Variants in NELL1 observed in about 807,000 individuals in gnomAD.
The protein encoded by NELL1 is neural EGFL like 1, also known as protein kinase C-binding protein NELL1.
NELL1 carries 76 observed loss-of-function variants against 107.4 expected under a neutral mutation model. The observed-to-expected ratio is 0.71, with a 90% CI of 0.59 to 0.86. NELL1 has a LOEUF of 0.86. NELL1 is among the 40% of genes least tolerant of loss of function. The pLI is 0.00. For synonymous variants in NELL1, 353 were observed against 341.2 expected, an observed-to-expected ratio of 1.03 and a Z score of -0.38; for missense variants, 1,024 against 1,005.5, an observed-to-expected ratio of 1.02 and a Z score of -0.25.
intron 12 of NELL1, among the ~76,000 whole-genome samples, chr11:21,107,167 A>G (rs913623042): frequency 4.6e-5 from 7 of 152,172 alleles, no homozygotes; most frequent in Non-Finnish European, 7.4e-5. Context: ...AAAGTCCGTA[A>G]TATACATTTA....
At chr11:21,180,572 T>C (rs1189673998) in intron 13 of NELL1, among the ~76,000 whole-genome samples, 3 of 151,800 alleles carry the variant, frequency 2.0e-5, no homozygotes, top group African/African-American at 7.3e-5. Context: ...TTTCTATTTA[T>C]TTACAGCTGG....
intron 2 of NELL1, among the ~76,000 whole-genome samples, chr11:20,772,613 T>TTTCATTCATTCATTCA (rs3045564): frequency 0.047 from 7,162 of 150,890 alleles, 194 homozygotes; most frequent in Middle Eastern, 0.13. Flanking sequence ...ATTAGGCACT[T>TTTCATTCATTCATTCA]TTCATTCATT....
chr11:21,269,896 A>T (rs999512728), intron 14 of NELL1, among the ~76,000 whole-genome samples: 1 of 152,140 alleles, frequency 6.6e-6, no homozygotes, highest in Non-Finnish European at 1.5e-5. Context: ...GACAGCAATG[A>T]TACAGTGATG....
chr11:20,672,295 G>C (rs1853933232), intron 1 of NELL1, among the ~76,000 whole-genome samples: 1 of 152,196 alleles, frequency 6.6e-6, no homozygotes, highest in Non-Finnish European at 1.5e-5. Flanking sequence ...AAGTTTCTTT[G>C]TCAAGTGGGA....
rs115191320 is a variant in NELL1, at chr11:21,041,854, A to G, written c.1301-71735A>G. 2.5e-3 allele frequency among the ~76,000 whole-genome samples: 374 copies of G among 152,322 alleles called. 4 individuals carry two copies. Among genetic ancestry groups the G allele is most frequent in the African/African-American group, 8.8e-3 (365 of 41,580 alleles). On this transcript the variant is annotated intron_variant, in intron 12 of 19. Transcript: ENST00000357134. ...TCGAATACAATTCAAATTAATTACA[A>G]TGATTTAACATGACCAAGGATGGTG... is the stretch of plus-strand genomic sequence containing the variant.
At chr11:21,426,141 T>C (rs912273361) in intron 15 of NELL1, among the ~76,000 whole-genome samples, 3 of 152,190 alleles carry the variant, frequency 2.0e-5, no homozygotes, top group Non-Finnish European at 4.4e-5. Flanking sequence ...TCTTCCTTTT[T>C]TAAATGATTC....
chr11:20,774,813 G>T (rs76416520), intron 2 of NELL1, among the ~76,000 whole-genome samples: 1,591 of 152,278 alleles, frequency 0.01, 13 homozygotes, highest in Non-Finnish European at 0.018. Context: ...TGATGTTCTT[G>T]CTTGCACCCA....
At chr11:21,149,923 C>T (rs1168842927) in intron 13 of NELL1, among the ~76,000 whole-genome samples, 1 of 152,042 alleles carries the variant, frequency 6.6e-6, no homozygotes, top group East Asian at 1.9e-4. Flanking sequence ...CAGAGTGAAG[C>T]TGTAAATAAC....
chr11:21,242,142 A>G (rs1590765044), intron 14 of NELL1, among the ~76,000 whole-genome samples: 1 of 152,044 alleles, frequency 6.6e-6, no homozygotes, highest in Middle Eastern at 3.2e-3. Flanking sequence ...TGTTAAAGAT[A>G]AGTAAATGAT....
chr11:20,690,726 A>C (rs1408907166), intron 2 of NELL1, among the ~76,000 whole-genome samples: 4 of 152,066 alleles, frequency 2.6e-5, no homozygotes, highest in Admixed American at 1.3e-4. Flanking sequence ...TGATGCCTCC[A>C]GCTTTGTTCT....
At chr11:21,521,722 T>C (rs1425990102) in intron 15 of NELL1, among the ~76,000 whole-genome samples, 1 of 152,164 alleles carries the variant, frequency 6.6e-6, no homozygotes, top group African/African-American at 2.4e-5. Context: ...TACATTCCCA[T>C]CAACAGTGTA....
intron 18 of NELL1, among the ~76,000 whole-genome samples, chr11:21,571,199 G>C (rs1448795138): frequency 6.6e-6 from 1 of 151,830 alleles, no homozygotes; most frequent in Non-Finnish European, 1.5e-5. Context: ...AAGAAATCAA[G>C]ATCAAGAAAA....
chr11:20,750,025 T>C (rs1856097061), intron 2 of NELL1, among the ~76,000 whole-genome samples: 1 of 152,206 alleles, frequency 6.6e-6, no homozygotes, highest in Admixed American at 6.5e-5. Flanking sequence ...CAACGAGTTC[T>C]CCAAAGTGGT....
At chr11:21,301,302 T>C (rs2133623552) in intron 14 of NELL1, among the ~76,000 whole-genome samples, 1 of 152,266 alleles carries the variant, frequency 6.6e-6, no homozygotes, top group Admixed American at 6.5e-5. Flanking sequence ...TAGTTTTAGA[T>C]CCTTGAGGAA....
In NELL1 at chr11:20,748,872, TCATCCATCCATC is replaced by T. The variant is rs59483612; in HGVS notation, c.185-34789_185-34778del. On this transcript the variant is annotated intron_variant, in intron 2 of 19. Transcript: ENST00000357134. ...CAATTGCGTATTGGAGCATATTCTA[TCATCCATCCATC>T]CATCCATCCATCCATCCACCCAGCC... is the stretch of plus-strand genomic sequence containing the variant. Among the ~76,000 whole-genome samples the T allele has an allele frequency of 1.4e-4, 20 of 145,954 alleles. No individual in the cohort carries two copies. In the South Asian group the frequency reaches 3.5e-3, roughly 26 times the overall value.
Position 21,489,448 on chromosome 11 carries a change from C to T in NELL1, c.1646-44926C>T, listed in dbSNP as rs563325396. Among the ~76,000 whole-genome samples the T allele has an allele frequency of 2.8e-5, 4 of 142,380 alleles. No individual in the cohort carries two copies. In the South Asian group the frequency reaches 9.1e-4, roughly 32 times the overall value. The allele number at this position is 142,380 out of a possible 152,430, so 93.4% of individuals were successfully genotyped here. On this transcript the variant is annotated intron_variant, in intron 15 of 19. Transcript: ENST00000357134. ...ACTCTCCCTAACTTGTTATCTGAGG[C>T]CAACATTACCCTGATATCAAAACCA...
At chr11:20,958,249 C>G (rs1209236132) in intron 11 of NELL1, among the ~76,000 whole-genome samples, 1 of 151,864 alleles carries the variant, frequency 6.6e-6, no homozygotes, top group African/African-American at 2.4e-5. Context: ...GAGACTTCAT[C>G]TCTCCAAAAA....
Position 21,387,643 on chromosome 11 carries a change from C to A in NELL1, c.1645+16695C>A, listed in dbSNP as rs547791842. ...AAAACTTCCTTTACCACTCTTCTCA[C>A]AAAAGCAAGGCTGAATACAACAAAA... On this transcript the variant is annotated intron_variant, in intron 15 of 19. Coordinates refer to ENST00000357134, the MANE Select transcript of NELL1 (RefSeq NM_006157.5). Among the ~76,000 whole-genome samples, 33 of 151,944 alleles carry A rather than the reference C, an allele frequency of 2.2e-4. No homozygotes were observed. The East Asian group carries it at 6.1e-3, about 28-fold the overall frequency.
At chr11:20,883,066 T>C (rs560950666) in intron 4 of NELL1, among the ~76,000 whole-genome samples, 66 of 152,332 alleles carry the variant, frequency 4.3e-4, no homozygotes, top group African/African-American at 1.5e-3. Flanking sequence ...GTATCCAGTT[T>C]GTTGATTCCA....
Sources: gnomAD v4.1 joint callset for allele counts (sites outside exome capture counted in the v4.1 genomes callset) on GRCh38, gnomAD v4.1.1 for gene constraint, MANE v1.5 for transcripts, NCBI Gene and HGNC (gene_info 2026-07-23, HGNC 2026-07-21) for gene names.